The following MRPL28 variants were observed in gnomAD, a reference collection of about 807,000 sequenced individuals.
MRPL28 encodes the protein large ribosomal subunit protein bL28m.
In MRPL28, 25 loss-of-function variants were observed where a neutral mutation model predicts 26.2. That is an observed-to-expected ratio of 0.95 (90% CI 0.69 to 1.33). The LOEUF is 1.33. MRPL28 is among the 40% of genes most tolerant of loss of function. The pLI is 0.00. For missense variants in MRPL28, 432 were observed against 327.2 expected (o/e 1.32, Z -2.47); for synonymous variants, 227 against 140.1 (o/e 1.62, Z -4.38).
chr16:367,799 C>A lies in MRPL28; in HGVS notation c.664-17G>T. ...TACAGGGTCCTGAAGGAGAGAGGGG[C>A]TCATGGTGAGGCCAGGGAAGCCCAG... On this transcript the variant is annotated splice_polypyrimidine_tract_variant and intron_variant, in intron 5 of 5. Transcript: ENST00000199706. 1 of 1,608,858 alleles carries A rather than the reference C, an allele frequency of 6.2e-7. No homozygotes were observed. Among genetic ancestry groups the A allele is most frequent in the Non-Finnish European group, 8.5e-7 (1 of 1,176,010 alleles).
At position 367,760 on chromosome 16, in the gene MRPL28, A is replaced by T; in HGVS notation, c.686T>A (p.Ile229Asn). 1 of 1,613,782 alleles carries T rather than the reference A, an allele frequency of 6.2e-7. No individual in the cohort carries two copies. ...CTGCTGGATCAGCTCCGCCACATAG[A>T]TCTTGAACAGGGGTACAGGGTCCTG... ...EEKDPVPLFK[I>N]YVAELIQQLQ... The change falls in exon 6 of 6, where the codon ATC (isoleucine) becomes AAC (asparagine). Residue 229 changes from isoleucine to asparagine, a missense_variant. Transcript: ENST00000199706.
Position 368,415 on chromosome 16 carries a change from C to T in MRPL28, c.577-1G>A, listed in dbSNP as rs377644801. The T allele has an allele frequency of 7.4e-6, 12 of 1,613,598 alleles. No individual in the cohort carries two copies. Among genetic ancestry groups the T allele is most frequent in the African/African-American group, 5.3e-5 (4 of 74,890 alleles). Reference sequence around the variant, plus strand: ...CCTCCTCCTCTGGGATGGCAAATTCCTAGGCAGGCAGAGATGGAAAGGGCA... The same window carrying T: ...CCTCCTCCTCTGGGATGGCAAATTCTTAGGCAGGCAGAGATGGAAAGGGCA... On this transcript the variant is annotated splice_acceptor_variant, in intron 4 of 5. Transcript: ENST00000199706. LOFTEE classifies it high-confidence loss of function.
intron 3 of MRPL28, 192 bp downstream of exon 3, chr16:368,872 AGAGC>A: frequency 1.0e-6 from 1 of 980,846 alleles, no homozygotes; most frequent in Non-Finnish European, 1.5e-6. Context: ...AGCCACCCAC[AGAGC>A]GACAGCCTCT....
chr16:368,454 C>T (rs1294974230), intron 4 of MRPL28, 40 bp from the exon 5 acceptor site: 2 of 1,613,298 alleles, frequency 1.2e-6, no homozygotes, highest in Admixed American at 1.7e-5. Context: ...AGGCCCAGGG[C>T]CGGGCCACGA....
At chr16:368,780 C>G in intron 3 of MRPL28, 145 bp from the exon 4 acceptor site, 1 of 1,307,168 alleles carries the variant, frequency 7.7e-7, no homozygotes, top group Non-Finnish European at 1.0e-6. Flanking sequence ...GCACCCCAGC[C>G]TGGGGGGTGG....
In MRPL28 at chr16:367,263, C is replaced by T. The variant is rs949348363; in HGVS notation, c.*412G>A. 1 of 574,698 alleles carries T rather than the reference C, an allele frequency of 1.7e-6. No individual in the cohort carries two copies. Among genetic ancestry groups the T allele is most frequent in the African/African-American group, 1.9e-5 (1 of 53,334 alleles). 35.6% of individuals were successfully genotyped at this position (574,698 alleles called of 1,614,324 possible). On this transcript the variant is annotated 3_prime_UTR_variant, in exon 6 of 6. Transcript: ENST00000199706. ...GAATTGAACCTCGCTCTCTGCAGCTCACCGGGGGACGGGCACAGCCAGAGT... is the reference window on the plus strand; with the variant it reads ...GAATTGAACCTCGCTCTCTGCAGCTTACCGGGGGACGGGCACAGCCAGAGT...
At position 370,231 on chromosome 16, in the gene MRPL28, G is replaced by C; in HGVS notation, c.-7-6C>G. The C allele has an allele frequency of 1.3e-6, 2 of 1,557,484 alleles. No individual in the cohort carries two copies. The highest frequency in any genetic ancestry group is 1.7e-6 in the Non-Finnish European group (2 of 1,156,300). On this transcript the variant is annotated splice_region_variant and splice_polypyrimidine_tract_variant and intron_variant, in intron 1 of 5. Transcript: ENST00000199706. ...TGTGTAGAGGCATCGCGAGCCTGGC[G>C]GGAGGTGGGGGCTCGCAGTCAGTCG...
Position 367,394 on chromosome 16 carries a change from C to A in MRPL28, c.*281G>T, listed in dbSNP as rs747806647. On this transcript the variant is annotated 3_prime_UTR_variant, in exon 6 of 6. Coordinates refer to ENST00000199706, the MANE Select transcript of MRPL28 (RefSeq NM_006428.5). ...TCCTCAAAGCAAAGATACACACACACAGCCTGGCCCAGACTTTACTCGCTC... is the reference window on the plus strand; with the variant it reads ...TCCTCAAAGCAAAGATACACACACAAAGCCTGGCCCAGACTTTACTCGCTC... The A allele has an allele frequency of 8.6e-6, 6 of 696,152 alleles. No homozygotes were observed. Among genetic ancestry groups the A allele is most frequent in the Middle Eastern group, 4.7e-4 (2 of 4,290 alleles). The allele number at this position is 696,152 out of a possible 1,614,324, so 43.1% of individuals were successfully genotyped here.
chr16:370,069 G>A lies in MRPL28; in HGVS notation c.150C>T (p.Phe50=), dbSNP rs376360308. The change falls in exon 2 of 6, where the codon TTC becomes TTT. Residue 50 remains phenylalanine (F), a synonymous_variant. Coordinates refer to ENST00000199706, the MANE Select transcript of MRPL28 (RefSeq NM_006428.5). ...GCTGCCCGTTCTTGGGGTTGATCTT[G>A]AACTTGGCCCCATGAGGCCTATAGT... ...PVHYRPHGAK[F]KINPKNGQRE... The A allele has an allele frequency of 3.7e-6, 6 of 1,612,770 alleles. No homozygotes were observed. Among genetic ancestry groups the A allele is most frequent in the Non-Finnish European group, 5.1e-6 (6 of 1,179,688 alleles).
chr16:369,999 C>CG lies in MRPL28; in HGVS notation c.219dup (p.Glu74ArgfsTer38), dbSNP rs762068708. Reference sequence around the variant, plus strand: ...CCGCCCCACAACCCCCGCTGGGATTCGGGGGGAAAGTAGATGGGAATGGGC... The same window carrying CG: ...CCGCCCCACAACCCCCGCTGGGATTCGGGGGGGAAAGTAGATGGGAATGGGC... On this transcript the variant is annotated frameshift_variant, in exon 2 of 6. Coordinates refer to ENST00000199706, the MANE Select transcript of MRPL28 (RefSeq NM_006428.5). LOFTEE classifies it high-confidence loss of function. The CG allele has an allele frequency of 3.1e-6, 5 of 1,613,098 alleles. No individual in the cohort carries two copies. Among genetic ancestry groups the CG allele is most frequent in the South Asian group, 2.2e-5 (2 of 91,090 alleles).
In MRPL28 at chr16:369,191, C is replaced by T. The variant is rs965758919; in HGVS notation, c.318G>A (p.Lys106=). 1.9e-6 allele frequency: 3 copies of T among 1,613,868 alleles called. No individual in the cohort carries two copies. The highest frequency in any genetic ancestry group is 2.5e-6 in the Non-Finnish European group (3 of 1,179,946). Residue 106 remains lysine, a synonymous_variant, in exon 3 of 6, where the codon AAG becomes AAA. Coordinates refer to ENST00000199706, the MANE Select transcript of MRPL28 (RefSeq NM_006428.5). ...KLSKRLKKVW[K]PQLFEREFYS... ...AGAACTCTCGCTCAAACAGCTGTGGCTTCCACACTTTCTTCAGCCTCTTGG... is the reference window on the plus strand; with the variant it reads ...AGAACTCTCGCTCAAACAGCTGTGGTTTCCACACTTTCTTCAGCCTCTTGG...
rs113936863 is a variant in MRPL28, at chr16:368,370, C to T, written c.621G>A (p.Thr207=). Residue 207 remains threonine (T), a synonymous_variant, in exon 5 of 6, where the codon ACG becomes ACA. Transcript: ENST00000199706. ...TCTGCTTCTCAATGGCCTCCTCCAG[C>T]GTGAGGCCCACCCACTCTGCCTCCT... ...PEEEAEWVGL[T]LEEAIEKQRL... is the part of the protein sequence containing the mutation. 71 of 1,613,688 alleles carry T rather than the reference C, an allele frequency of 4.4e-5. 2 individuals are homozygous for T. Among genetic ancestry groups the T allele is most frequent in the South Asian group, 2.5e-4 (23 of 91,090 alleles).
In MRPL28 at chr16:367,887, G is replaced by A. The variant is rs1348047390; in HGVS notation, c.664-105C>T. The A allele has an allele frequency of 5.5e-6, 5 of 911,554 alleles. No homozygotes were observed. In the African/African-American group the frequency reaches 6.6e-5, roughly 12 times the overall value. The allele number at this position is 911,554 out of a possible 1,614,324, so 56.5% of individuals were successfully genotyped here. A position where few individuals can be genotyped will look rare whatever the true frequency, so the allele number is the denominator to read the frequency against. On this transcript the variant is annotated intron_variant, in intron 5 of 5. Coordinates refer to ENST00000199706, the MANE Select transcript of MRPL28 (RefSeq NM_006428.5). ...GCCGCCCAGAGGAACCGGGGCATGA[G>A]AGGCCCTGGAGGGCAGAGTCCTGTC...
In MRPL28 at chr16:370,468, G is replaced by A. The variant is rs191979573; in HGVS notation, c.-8+31C>T. 1,267 of 696,236 alleles carry A rather than the reference G, an allele frequency of 1.8e-3. 198 individuals carry two copies. Among genetic ancestry groups the A allele is most frequent in the Admixed American group, 0.015 (44 of 3,006 alleles). 43.1% of individuals were successfully genotyped at this position (696,236 alleles called of 1,614,324 possible). ...CCTGCCCCTCCCCTTCTGCCCCGGC[G>A]CCCCCCCACACCCCACCTGCCCGCG... On this transcript the variant is annotated intron_variant, in intron 1 of 5. Transcript: ENST00000199706.
chr16:370,169 C>G lies in MRPL28; in HGVS notation c.50G>C (p.Arg17Pro). The G allele has an allele frequency of 6.2e-7, 1 of 1,600,014 alleles. No homozygotes were observed. The highest frequency in any genetic ancestry group is 1.1e-5 in the South Asian group (1 of 90,156). ...PVWLWKRLQL[R>P]EGICSRLPGH... ...GGGCAGGCGGGAACAGATGCCCTCC[C>G]GCAGCTGCAGCCGCTTCCAGAGCCA... The change falls in exon 2 of 6, where the codon CGG (arginine) becomes CCG (proline). Residue 17 changes from arginine (R) to proline (P), a missense_variant. Physicochemically the swap from Arg to Pro is moderately radical, Grantham distance 103. Transcript: ENST00000199706.
chr16:368,042 C>T (rs899375782), intron 5 of MRPL28, among the ~76,000 whole-genome samples: 2 of 152,244 alleles, frequency 1.3e-5, no homozygotes, highest in Non-Finnish European at 2.9e-5. Flanking sequence ...GCTCCCTGTC[C>T]TGACAGCTAC....
At chr16:369,366 GC>G in intron 2 of MRPL28, 146 bp from the exon 3 acceptor site, 8 of 1,075,882 alleles carry the variant, frequency 7.4e-6, no homozygotes, top group Non-Finnish European at 1.1e-5. Flanking sequence ...AACTGGGCCG[GC>G]CCCCAGCCCA....
chr16:368,336 C>G lies in MRPL28; in HGVS notation c.655G>C (p.Glu219Gln). The change falls in exon 5 of 6, where the codon GAG (glutamate) becomes CAG (glutamine). Residue 219 changes from glutamate (E) to glutamine (Q), a missense_variant. By Grantham distance (29) the Glu-to-Gln change is conservative. Coordinates refer to ENST00000199706, the MANE Select transcript of MRPL28 (RefSeq NM_006428.5). ...GGTGCTCACACACTCACCTTCTCCTCCAAAAGTCTCTGCTTCTCAATGGCC... is the reference window on the plus strand; with the variant it reads ...GGTGCTCACACACTCACCTTCTCCTGCAAAAGTCTCTGCTTCTCAATGGCC... ...EEAIEKQRLL[E>Q]EKDPVPLFKI... 1 of 1,613,584 alleles carries G rather than the reference C, an allele frequency of 6.2e-7. No homozygotes were observed. The highest frequency in any genetic ancestry group is 1.3e-5 in the African/African-American group (1 of 75,040).
intron 5 of MRPL28, 38 bp downstream of exon 5, chr16:368,290 T>C: frequency 1.2e-6 from 2 of 1,605,656 alleles, no homozygotes; most frequent in Non-Finnish European, 1.7e-6. Flanking sequence ...AACACCAGGC[T>C]CTGGGCAGGC....
Sources: allele counts gnomAD v4.1 joint callset (sites outside exome capture counted in the v4.1 genomes callset), GRCh38; gene constraint gnomAD v4.1.1; transcripts MANE v1.5; gene names NCBI Gene and HGNC (gene_info 2026-07-23, HGNC 2026-07-21).